Variants in POR observed in about 807,000 individuals in gnomAD.
The protein encoded by POR is cytochrome p450 oxidoreductase.
Under a neutral mutation model 84.0 loss-of-function variants are expected in POR, and 56 were observed. That is an observed-to-expected ratio of 0.67 (90% CI 0.54 to 0.83). The LOEUF (loss-of-function observed/expected upper bound fraction) is 0.83, where lower values mean the gene tolerates loss of function less well. Among genes scored for constraint, POR ranks in the 40% least tolerant of loss-of-function variants. The pLI is 0.00. For synonymous variants in POR, 414 were observed against 400.5 expected (o/e 1.03, Z -0.40); for missense variants, 938 against 944.3 (o/e 0.99, Z 0.09).
chr7:75,965,011 G>A (rs10269402), intron 2 of POR, among the ~76,000 whole-genome samples: 53,492 of 151,822 alleles, frequency 0.35, 9,681 homozygotes, highest in Middle Eastern at 0.47. Context: ...AGCGAACCCC[G>A]TCTCTAGAAA....
At chr7:75,937,123 G>C (rs1440895294) in intron 1 of POR, among the ~76,000 whole-genome samples, 1 of 151,256 alleles carries the variant, frequency 6.6e-6, no homozygotes, top group South Asian at 2.1e-4. Context: ...CACCGCATCC[G>C]GCCGCTGTTT....
chr7:75,953,340 A>T (rs1585104919), intron 1 of POR, among the ~76,000 whole-genome samples: 1 of 102,032 alleles, frequency 9.8e-6, no homozygotes, highest in South Asian at 4.0e-4. Context: ...AGGGGGAGGG[A>T]CCAGACTTTG....
intron 7 of POR, 200 bp from the exon 8 acceptor site, chr7:75,982,024 G>C (rs574536745): frequency 1.7e-6 from 1 of 593,844 alleles, no homozygotes; most frequent in Non-Finnish European, 3.0e-6. Flanking sequence ...TCTGGCCCCC[G>C]GCAGCTCCAC....
At chr7:75,979,411 G>A in intron 3 of POR, 40 bp from the exon 4 acceptor site, 1 of 1,605,340 alleles carries the variant, frequency 6.2e-7, no homozygotes, top group Non-Finnish European at 8.5e-7. Flanking sequence ...CCGTGGCTGA[G>A]GTCTGTGGCC....
intron 5 of POR, chr7:75,980,712 G>A (rs782553140): frequency 2.6e-6 from 4 of 1,517,896 alleles, no homozygotes; most frequent in South Asian, 1.2e-5. Context: ...ATTGGGTGCT[G>A]GAGACTAAAG....
chr7:75,986,610 C>G lies in POR; in HGVS notation c.*129C>G. On this transcript the variant is annotated 3_prime_UTR_variant, in exon 16 of 16. Transcript: ENST00000461988. ...CGCAGGCCCAGTGACAAAGACTCCT[C>G]TGGGCCTGGGGTGCATCCTCCTCAG... The G allele has an allele frequency of 8.2e-7, 1 of 1,224,814 alleles. No homozygotes were observed. The highest frequency in any genetic ancestry group is 1.1e-6 in the Non-Finnish European group (1 of 888,114). 75.9% of individuals were successfully genotyped at this position (1,224,814 alleles called of 1,614,324 possible). A position where few individuals can be genotyped will look rare whatever the true frequency, so the allele number is the denominator to read the frequency against.
chr7:75,974,697 T>C (rs1788598973), intron 3 of POR, among the ~76,000 whole-genome samples: 1 of 152,060 alleles, frequency 6.6e-6, no homozygotes, highest in African/African-American at 2.4e-5. Flanking sequence ...TGGCTAACTT[T>C]TGTATTTTCA....
chr7:75,965,771 G>C lies in POR; in HGVS notation c.189-6642G>C, dbSNP rs146014008. ...CAGGCTTTCTGAGCTTCACAGACTT[G>C]CTCACGGAGTCCTGATGTGAACACG... On this transcript the variant is annotated intron_variant, in intron 2 of 15. Transcript: ENST00000461988. 1.4e-3 allele frequency among the ~76,000 whole-genome samples: 208 copies of C among 152,312 alleles called. 7 individuals are homozygous for C. In the South Asian group the frequency reaches 0.037, roughly 27 times the overall value.
intron 4 of POR, 102 bp downstream of exon 4, chr7:75,979,681 G>A: frequency 1.3e-6 from 2 of 1,499,524 alleles, no homozygotes; most frequent in Non-Finnish European, 1.8e-6. Context: ...CAGGGAGTGG[G>A]GTCCTGGGAA....
intron 3 of POR, among the ~76,000 whole-genome samples, chr7:75,975,814 ATT>A (rs539245771): frequency 6.1e-5 from 5 of 82,186 alleles, no homozygotes; most frequent in African/African-American, 1.3e-4. Flanking sequence ...AGCTGTTCAG[ATT>A]TTTTTTTTTT....
Position 75,984,830 on chromosome 7 carries a change from C to T in POR, c.1120C>T (p.Leu374Phe), listed in dbSNP as rs1789307262. ...GTGCCCTACGTCCTACCGCACGGCC[C>T]TCACCTACTACCTGGACATCACCAA... The change falls in exon 11 of 16, where the codon CTC (leucine) becomes TTC (phenylalanine). Residue 374 changes from leucine to phenylalanine, a missense_variant. Transcript: ENST00000461988. The T allele has an allele frequency of 6.2e-7, 1 of 1,612,572 alleles. No homozygotes were observed. Among genetic ancestry groups the T allele is most frequent in the Non-Finnish European group, 8.5e-7 (1 of 1,179,834 alleles).
chr7:75,958,407 C>A (rs1160134611), intron 2 of POR, among the ~76,000 whole-genome samples: 1 of 152,092 alleles, frequency 6.6e-6, no homozygotes, highest in African/African-American at 2.4e-5. Flanking sequence ...CGTGAGCCAC[C>A]ATGCCTGGAG....
At chr7:75,958,969 G>T (rs1787812683) in intron 2 of POR, among the ~76,000 whole-genome samples, 1 of 152,216 alleles carries the variant, frequency 6.6e-6, no homozygotes, top group Non-Finnish European at 1.5e-5. Context: ...TTTCTTATCT[G>T]AAAATCTGAA....
chr7:75,983,537 A>C lies in POR; in HGVS notation c.848A>C (p.Asn283Thr). 1.2e-6 allele frequency: 2 copies of C among 1,612,922 alleles called. No homozygotes were observed. The highest frequency in any genetic ancestry group is 1.7e-6 in the Non-Finnish European group (2 of 1,179,774). The change falls in exon 9 of 16, where the codon AAT becomes ACT. Residue 283 changes from asparagine to threonine, a missense_variant. By Grantham distance (65) the Asn-to-Thr change is moderately conservative (BLOSUM62 0). Transcript: ENST00000461988. ...CCACCCAGCCCCTTTGATGCCAAGA[A>C]TCCGTTCCTGGCTGCAGTCACCACC...
chr7:75,968,142 A>G (rs1554555582), intron 2 of POR: 2 of 457,206 alleles, frequency 4.4e-6, no homozygotes, highest in Non-Finnish European at 8.8e-6. Flanking sequence ...AGTTCCTGAC[A>G]CTGTCCCTGG....
At chr7:75,938,261 T>C (rs966390336) in intron 1 of POR, among the ~76,000 whole-genome samples, 24 of 152,158 alleles carry the variant, frequency 1.6e-4, no homozygotes, top group African/African-American at 5.1e-4. Context: ...CAGTGGAGAA[T>C]GTTCTCCAGG....
chr7:75,969,980 G>A (rs559140266), intron 2 of POR, among the ~76,000 whole-genome samples: 12 of 152,276 alleles, frequency 7.9e-5, no homozygotes, highest in South Asian at 4.1e-4. Context: ...GGGCAGGGAC[G>A]GCCTCTGGGA....
chr7:75,986,558 G>A lies in POR; in HGVS notation c.*77G>A, dbSNP rs1789488620. 2 of 1,530,582 alleles carry A rather than the reference G, an allele frequency of 1.3e-6. No homozygotes were observed. The highest frequency in any genetic ancestry group is 4.8e-5 in the East Asian group (2 of 41,820). 94.8% of individuals were successfully genotyped at this position (1,530,582 alleles called of 1,614,324 possible). ...CTGGCTCCCTCCCGTAGTCTCCTGGGTGTGTTTGGCTTGGCCTTGGCATGG... is the reference window on the plus strand; with the variant it reads ...CTGGCTCCCTCCCGTAGTCTCCTGGATGTGTTTGGCTTGGCCTTGGCATGG... On this transcript the variant is annotated 3_prime_UTR_variant, in exon 16 of 16. Coordinates refer to ENST00000461988, the MANE Select transcript of POR (RefSeq NM_000941.3).
At chr7:75,974,524 CTTTTT>C (rs1238804117) in intron 3 of POR, among the ~76,000 whole-genome samples, 4 of 107,904 alleles carry the variant, frequency 3.7e-5, no homozygotes, top group Non-Finnish European at 7.2e-5. Flanking sequence ...TTTTTCTTTT[CTTTTT>C]TTTTTTTTTT....
Sources: gnomAD v4.1 joint callset for allele counts (sites outside exome capture counted in the v4.1 genomes callset) on GRCh38, gnomAD v4.1.1 for gene constraint, MANE v1.5 for transcripts, NCBI Gene and HGNC (gene_info 2026-07-23, HGNC 2026-07-21) for gene names.